Variants in DEPTOR observed in about 807,000 individuals in gnomAD.
DEPTOR encodes DEP domain-containing mTOR-interacting protein.
A neutral mutation model predicts 41.6 loss-of-function variants in DEPTOR; 41 were observed. The observed-to-expected ratio is 0.98, with a 90% CI of 0.77 to 1.28. The LOEUF (loss-of-function observed/expected upper bound fraction) is 1.28. Among genes scored for constraint, DEPTOR ranks in the 50% most tolerant of loss-of-function variants. DEPTOR has a pLI of 0.00. For synonymous variants in DEPTOR, 195 were observed against 192.3 expected (o/e 1.01, Z -0.12); for missense variants, 514 against 527.9 (o/e 0.97, Z 0.26).
intron 3 of DEPTOR, among the ~76,000 whole-genome samples, chr8:119,943,620 G>C (rs1828231818): frequency 6.6e-6 from 1 of 152,040 alleles, no homozygotes; most frequent in South Asian, 2.1e-4. Context: ...AACCACATCA[G>C]TCACGGTTAC....
chr8:119,974,342 T>A (rs1230663476), intron 4 of DEPTOR, among the ~76,000 whole-genome samples: 2 of 150,684 alleles, frequency 1.3e-5, no homozygotes, highest in African/African-American at 2.4e-5. Flanking sequence ...TTACTTTTCA[T>A]GAGTTCTTAA....
At chr8:119,979,183 A>G (rs1488683099) in intron 4 of DEPTOR, among the ~76,000 whole-genome samples, 5 of 152,248 alleles carry the variant, frequency 3.3e-5, no homozygotes, top group Admixed American at 6.5e-5. Flanking sequence ...TAATATTCAT[A>G]ATCAGTTTTG....
chr8:119,873,742 C>T lies in DEPTOR; in HGVS notation c.-105C>T. 3 of 1,507,290 alleles carry T rather than the reference C, an allele frequency of 2.0e-6. No homozygotes were observed. Among genetic ancestry groups the T allele is most frequent in the Non-Finnish European group, 2.7e-6 (3 of 1,118,546 alleles). The allele number at this position is 1,507,290 out of a possible 1,614,324, so 93.4% of individuals were successfully genotyped here. A position where few individuals can be genotyped will look rare whatever the true frequency, so the allele number is the denominator to read the frequency against. On this transcript the variant is annotated 5_prime_UTR_variant, in exon 1 of 9. Transcript: ENST00000286234. ...AATCCAGTCAGAGCAGCGGAGCTGC[C>T]CCGAACAAAGATGGCGCGGGAAGCG...
intron 4 of DEPTOR, among the ~76,000 whole-genome samples, chr8:119,977,087 G>A (rs1050938156): frequency 1.3e-5 from 2 of 152,080 alleles, no homozygotes; most frequent in African/African-American, 4.8e-5. Flanking sequence ...TGCAACCTCC[G>A]CCTCCCGGGT....
Position 119,965,352 on chromosome 8 carries a change from G to A in DEPTOR, c.546G>A (p.Thr182=), listed in dbSNP as rs139944180. The A allele has an allele frequency of 1.3e-4, 212 of 1,613,988 alleles. No individual in the cohort carries two copies. The Middle Eastern group carries it at 1.8e-3, about 14-fold the overall frequency. ...TGGTTCAGGAAGGTGAGGCCACCAC[G>A]AGGAAAGAGGCAGAGCAGCTTTGCC... ...DWLVQEGEAT[T]RKEAEQLCHR... The change falls in exon 4 of 9, where the codon ACG becomes ACA. Residue 182 remains threonine (T), a synonymous_variant. Transcript: ENST00000286234.
intron 4 of DEPTOR, among the ~76,000 whole-genome samples, chr8:119,980,307 T>C (rs901303998): frequency 6.6e-6 from 1 of 152,104 alleles, no homozygotes; most frequent in African/African-American, 2.4e-5. Context: ...GTCTTCAAAA[T>C]CCAGTGTGTT....
At chr8:119,980,453 T>TTTTTCTTTTC (rs57896097) in intron 4 of DEPTOR, among the ~76,000 whole-genome samples, 7,205 of 110,788 alleles carry the variant, frequency 0.065, 385 homozygotes, top group South Asian at 0.12. Context: ...TCATTTTTCT[T>TTTTTCTTTTC]TTTTCTTTTC....
At chr8:120,025,303 A>G (rs1812781585) in intron 8 of DEPTOR, among the ~76,000 whole-genome samples, 2 of 152,200 alleles carry the variant, frequency 1.3e-5, no homozygotes, top group South Asian at 4.1e-4. Flanking sequence ...TGTAAAGTCA[A>G]GTGTTGGGTC....
intron 1 of DEPTOR, among the ~76,000 whole-genome samples, chr8:119,901,675 CAAA>C (rs36026315): frequency 1.0e-4 from 9 of 88,276 alleles, no homozygotes; most frequent in African/African-American, 2.2e-4. Flanking sequence ...GACTCTGTCT[CAAA>C]AAAAAAAAAA....
At chr8:119,997,853 A>G (rs1230532287) in intron 4 of DEPTOR, among the ~76,000 whole-genome samples, 1 of 152,160 alleles carries the variant, frequency 6.6e-6, no homozygotes, top group Non-Finnish European at 1.5e-5. Flanking sequence ...AGACTGTTGA[A>G]CCAGTTAGCA....
chr8:119,936,878 G>T (rs1828120031), intron 3 of DEPTOR, among the ~76,000 whole-genome samples: 1 of 152,124 alleles, frequency 6.6e-6, no homozygotes, highest in South Asian at 2.1e-4. Flanking sequence ...ACAAAAATTA[G>T]CTGGGCATGG....
intron 1 of DEPTOR, among the ~76,000 whole-genome samples, chr8:119,911,348 C>T (rs1827734374): frequency 7.4e-6 from 1 of 135,580 alleles, no homozygotes; most frequent in African/African-American, 2.9e-5. Context: ...GACGGAGTTT[C>T]ACTCTTGTCA....
intron 1 of DEPTOR, among the ~76,000 whole-genome samples, chr8:119,882,774 G>A (rs1827314700): frequency 1.3e-5 from 2 of 152,086 alleles, no homozygotes; most frequent in Admixed American, 6.6e-5. Context: ...CTCTTAAATG[G>A]TTGGTTTCCA....
intron 8 of DEPTOR, among the ~76,000 whole-genome samples, chr8:120,037,153 G>T (rs1812990320): frequency 6.6e-6 from 1 of 152,166 alleles, no homozygotes; most frequent in South Asian, 2.1e-4. Flanking sequence ...GGGGAACAGG[G>T]ATTGTGCATG....
chr8:119,962,877 C>T (rs73705849), intron 3 of DEPTOR, among the ~76,000 whole-genome samples: 8,048 of 152,170 alleles, frequency 0.053, 323 homozygotes, highest in African/African-American at 0.11. Flanking sequence ...ACAGTTCATG[C>T]TGATGACTGG....
chr8:119,989,234 C>T (rs919658760), intron 4 of DEPTOR, among the ~76,000 whole-genome samples: 1 of 152,066 alleles, frequency 6.6e-6, no homozygotes, highest in Non-Finnish European at 1.5e-5. Flanking sequence ...CTCATGGGCT[C>T]AAGTGACCCT....
chr8:119,991,204 A>G (rs954190420), intron 4 of DEPTOR, among the ~76,000 whole-genome samples: 4 of 151,332 alleles, frequency 2.6e-5, no homozygotes, highest in African/African-American at 7.3e-5. Context: ...GGGTTATTGT[A>G]CATATTATTT....
At chr8:119,989,664 G>T (rs1812120338) in intron 4 of DEPTOR, among the ~76,000 whole-genome samples, 1 of 152,222 alleles carries the variant, frequency 6.6e-6, no homozygotes, top group African/African-American at 2.4e-5. Context: ...AGAAGTAAAT[G>T]ATATAAACCT....
chr8:119,935,352 G>A lies in DEPTOR; in HGVS notation c.425+5414G>A, dbSNP rs187630154. Among the ~76,000 whole-genome samples the A allele has an allele frequency of 2.6e-5, 4 of 152,190 alleles. No individual in the cohort carries two copies. The South Asian group carries it at 6.2e-4, about 24-fold the overall frequency. ...AGAACAATGTTGAATCTCTATCCGC[G>A]GCCTTAAGATGGTAGAAAGGGTTTT... On this transcript the variant is annotated intron_variant, in intron 3 of 8. Coordinates refer to ENST00000286234, the MANE Select transcript of DEPTOR (RefSeq NM_022783.4).
Sources: gnomAD v4.1 joint callset for allele counts (sites outside exome capture counted in the v4.1 genomes callset) on GRCh38, gnomAD v4.1.1 for gene constraint, MANE v1.5 for transcripts, NCBI Gene and HGNC (gene_info 2026-07-23, HGNC 2026-07-21) for gene names.